Variants in TMEM196 observed in about 807,000 individuals in gnomAD.
The protein encoded by TMEM196 is transmembrane protein 196.
TMEM196 carries 17 observed loss-of-function variants against 20.0 expected under a neutral mutation model. That is an observed-to-expected ratio of 0.85 (90% confidence interval 0.58 to 1.27). TMEM196 has a LOEUF of 1.27. Among genes scored for constraint, TMEM196 ranks in the 50% most tolerant of loss-of-function variants. The pLI, the probability that TMEM196 is intolerant of heterozygous loss-of-function variation, is 0.00. For synonymous variants in TMEM196, 113 were observed against 88.9 expected, an observed-to-expected ratio of 1.27 and a Z score of -1.52; for missense variants, 267 against 223.0, an observed-to-expected ratio of 1.20 and a Z score of -1.26.
rs759149909 is a variant in TMEM196 at position 19,772,649 on chromosome 7, C to T, written c.48G>A (p.Val16=). The T allele has an allele frequency of 3.9e-6, 6 of 1,544,624 alleles. No homozygotes were observed. Among genetic ancestry groups the T allele is most frequent in the Non-Finnish European group, 5.2e-6 (6 of 1,144,298 alleles). Residue 16 remains valine, a synonymous_variant, in exon 1 of 5, where the codon GTG becomes GTA. Transcript: ENST00000405844. ...TGGACACCCCCAGCCCTATCTCCAG[C>T]ACGGAGAGCACCAAGAGGCTCCCAA... The part of the protein sequence containing the change: ...QIIGSLLVLS[V]LEIGLGVSSV...
At chr7:19,740,710 A>G (rs950936453) in intron 1 of TMEM196, among the ~76,000 whole-genome samples, 2 of 151,938 alleles carry the variant, frequency 1.3e-5, no homozygotes, top group Non-Finnish European at 2.9e-5. Context: ...TTTTTCAACC[A>G]CAACCACCGA....
At chr7:19,740,271 C>A (rs1027137828) in intron 1 of TMEM196, among the ~76,000 whole-genome samples, 1 of 152,004 alleles carries the variant, frequency 6.6e-6, no homozygotes, top group African/African-American at 2.4e-5. Context: ...AATATACTAC[C>A]TTTTGTGTAG....
chr7:19,739,391 T>C (rs1390903435), intron 1 of TMEM196, among the ~76,000 whole-genome samples: 1 of 152,106 alleles, frequency 6.6e-6, no homozygotes, highest in East Asian at 1.9e-4. Flanking sequence ...AAGAATATTA[T>C]AGATTTGTAC....
At chr7:19,727,456 A>T (rs1784038202) in intron 2 of TMEM196, among the ~76,000 whole-genome samples, 1 of 152,194 alleles carries the variant, frequency 6.6e-6, no homozygotes, top group Admixed American at 6.5e-5. Context: ...AAAATCCAAT[A>T]ATGAACGGGT....
intron 2 of TMEM196, among the ~76,000 whole-genome samples, chr7:19,728,148 A>T (rs1784065245): frequency 6.6e-6 from 1 of 152,052 alleles, no homozygotes; most frequent in Admixed American, 6.6e-5. Context: ...AACAACAAAA[A>T]GCCTCTTCCT....
At chr7:19,728,091 T>C (rs1784062735) in intron 2 of TMEM196, among the ~76,000 whole-genome samples, 1 of 152,156 alleles carries the variant, frequency 6.6e-6, no homozygotes, top group Admixed American at 6.5e-5. Flanking sequence ...TTGTAATTTA[T>C]AAGAGAAAGA....
intron 1 of TMEM196, among the ~76,000 whole-genome samples, chr7:19,751,031 G>C (rs1784940630): frequency 6.6e-6 from 1 of 152,178 alleles, no homozygotes; most frequent in African/African-American, 2.4e-5. Context: ...CGAAATAAAG[G>C]ATGTCATGAT....
intron 1 of TMEM196, among the ~76,000 whole-genome samples, chr7:19,755,990 C>G (rs1785193363): frequency 6.7e-6 from 1 of 150,342 alleles, no homozygotes; most frequent in East Asian, 2.0e-4. Context: ...GATTGTGCCA[C>G]TGTACTCCAG....
At chr7:19,748,213 G>A (rs949621886) in intron 1 of TMEM196, among the ~76,000 whole-genome samples, 7 of 125,916 alleles carry the variant, frequency 5.6e-5, no homozygotes, top group Non-Finnish European at 9.3e-5. Flanking sequence ...ACAATATAAA[G>A]GTTTCCTTCA....
At chr7:19,728,616 G>C in intron 2 of TMEM196, among the ~76,000 whole-genome samples, 1 of 152,002 alleles carries the variant, frequency 6.6e-6, no homozygotes, top group East Asian at 1.9e-4. Context: ...AGGCTCAAAG[G>C]GTACTTCCTA....
At chr7:19,731,203 A>T (rs1784189167) in intron 1 of TMEM196, among the ~76,000 whole-genome samples, 1 of 152,226 alleles carries the variant, frequency 6.6e-6, no homozygotes, top group East Asian at 1.9e-4. Context: ...ATAGCCAAAT[A>T]GTTAACATAC....
Position 19,742,205 on chromosome 7 carries a change from A to G in TMEM196, c.148-12767T>C, listed in dbSNP as rs541051672. ...TTTAAATAGGGTCAATTTCTTTGTT[A>G]TCTTATGGTTATTTTAACCCATCAG... On this transcript the variant is annotated intron_variant, in intron 1 of 4. Transcript: ENST00000405844. Among the ~76,000 whole-genome samples the G allele has an allele frequency of 2.4e-4, 36 of 152,254 alleles. 1 individual carries two copies. The highest frequency in any genetic ancestry group is 8.7e-4 in the African/African-American group (36 of 41,572).
intron 1 of TMEM196, among the ~76,000 whole-genome samples, chr7:19,739,835 G>A (rs1351213972): frequency 6.6e-6 from 1 of 152,102 alleles, no homozygotes; most frequent in Non-Finnish European, 1.5e-5. Flanking sequence ...CTTTGATGCT[G>A]TTCTTTACTG....
rs745567196 is a variant in TMEM196, at chr7:19,723,024, GA to G, written c.534-891del. ...GAACAAGCCTATTTGCAACAGAGCA[GA>G]AAAAAAAAATTAGAAGTGGAAATTA... On this transcript the variant is annotated intron_variant, in intron 4 of 4. Transcript: ENST00000405844. Among the ~76,000 whole-genome samples, 182 of 148,090 alleles carry G rather than the reference GA, an allele frequency of 1.2e-3. 2 individuals carry two copies. The East Asian group carries it at 0.014, about 11-fold the overall frequency.
intron 1 of TMEM196, among the ~76,000 whole-genome samples, chr7:19,732,296 T>A (rs1346380676): frequency 6.6e-6 from 1 of 152,096 alleles, no homozygotes; most frequent in East Asian, 1.9e-4. Context: ...AATAATGGGC[T>A]GGGCATGGTG....
At position 19,759,651 on chromosome 7, in the gene TMEM196, C is replaced by T. The variant is rs199550504; in HGVS notation, c.147+12899G>A. Among the ~76,000 whole-genome samples, 24 of 152,034 alleles carry T rather than the reference C, an allele frequency of 1.6e-4. No individual in the cohort carries two copies. In the South Asian group the frequency reaches 1.7e-3, roughly 11 times the overall value. The stretch of plus-strand genomic sequence containing the variant: ...ACACACACACATGCACGCACACACA[C>T]GCAGGCACACACACACATGCACACA... On this transcript the variant is annotated intron_variant, in intron 1 of 4. Transcript: ENST00000405844.
chr7:19,756,130 CT>C, intron 1 of TMEM196, among the ~76,000 whole-genome samples: 1 of 151,218 alleles, frequency 6.6e-6, no homozygotes, highest in East Asian at 1.9e-4. Flanking sequence ...CAATAGAAAT[CT>C]AATGTAAGCC....
In TMEM196 at chr7:19,756,087, C is replaced by CAA. The variant is rs34239969; in HGVS notation, c.147+16461_147+16462dup. 1.5e-3 allele frequency among the ~76,000 whole-genome samples: 214 copies of CAA among 143,872 alleles called. 1 individual carries two copies. The highest frequency in any genetic ancestry group is 5.2e-3 in the East Asian group (26 of 4,978). 94.4% of individuals were successfully genotyped at this position (143,872 alleles called of 152,430 possible). ...TGACCAGCTACTCATTTCTTTTGAT[C>CAA]AAAAAAAAAAATGTATTCAGACAAA... On this transcript the variant is annotated intron_variant, in intron 1 of 4. Coordinates refer to ENST00000405844, the MANE Select transcript of TMEM196 (RefSeq NM_001363562.2).
At chr7:19,728,499 C>G (rs1262314608) in intron 2 of TMEM196, among the ~76,000 whole-genome samples, 3 of 152,048 alleles carry the variant, frequency 2.0e-5, no homozygotes, top group Admixed American at 6.5e-5. Flanking sequence ...TAGATGTTCT[C>G]ACGAAGAAAG....
Sources: gnomAD v4.1 joint callset for allele counts (sites outside exome capture counted in the v4.1 genomes callset) on GRCh38, gnomAD v4.1.1 for gene constraint, MANE v1.5 for transcripts, NCBI Gene and HGNC (gene_info 2026-07-23, HGNC 2026-07-21) for gene names.